FIGN: variants seen among roughly 807,000 people sequenced by gnomAD.
The protein encoded by FIGN is fidgetin.
A neutral mutation model predicts 51.3 loss-of-function variants in FIGN; 11 were observed. That is an observed-to-expected ratio of 0.21 (90% CI 0.13 to 0.35). The LOEUF (loss-of-function observed/expected upper bound fraction) is 0.35, where lower values mean the gene tolerates loss of function less well. Ranked by LOEUF, FIGN falls within the 10% of genes least tolerant of loss-of-function variation. FIGN has a pLI of 1.00. For synonymous variants in FIGN, 407 were observed against 363.2 expected (o/e 1.12, Z -1.37); for missense variants, 857 against 943.6 (o/e 0.91, Z 1.20).
intron 2 of FIGN, among the ~76,000 whole-genome samples, chr2:163,653,675 AT>A (rs1007992627): frequency 1.3e-5 from 2 of 152,042 alleles, no homozygotes; most frequent in Non-Finnish European, 1.5e-5. Context: ...TAAGCATACA[AT>A]TTTAAAATAT....
At chr2:163,721,173 A>G (rs1684751367) in intron 2 of FIGN, among the ~76,000 whole-genome samples, 1 of 152,154 alleles carries the variant, frequency 6.6e-6, no homozygotes, top group Admixed American at 6.5e-5. Flanking sequence ...TGCATTTTAC[A>G]TGTAAATAAT....
intron 2 of FIGN, among the ~76,000 whole-genome samples, chr2:163,721,977 C>T (rs1208431247): frequency 6.6e-6 from 1 of 152,086 alleles, no homozygotes; most frequent in African/African-American, 2.4e-5. Flanking sequence ...TATAATTTAA[C>T]ATTTGATCAA....
intron 2 of FIGN, among the ~76,000 whole-genome samples, chr2:163,720,735 T>A (rs1294934744): frequency 6.6e-6 from 1 of 152,176 alleles, no homozygotes; most frequent in Non-Finnish European, 1.5e-5. Flanking sequence ...ATGAAAGAGC[T>A]TTCAACACTG....
At chr2:163,646,768 T>A (rs1457932934) in intron 2 of FIGN, among the ~76,000 whole-genome samples, 3 of 152,218 alleles carry the variant, frequency 2.0e-5, no homozygotes, top group East Asian at 3.8e-4. Flanking sequence ...CTCACATTAA[T>A]TTGATTGAAG....
intron 2 of FIGN, among the ~76,000 whole-genome samples, chr2:163,616,478 A>G (rs1248657931): frequency 6.6e-6 from 1 of 152,088 alleles, no homozygotes; most frequent in African/African-American, 2.4e-5. Flanking sequence ...CCCTTTTACA[A>G]TGTTCCCATA....
intron 2 of FIGN, among the ~76,000 whole-genome samples, chr2:163,731,209 G>A (rs1179283747): frequency 6.6e-6 from 1 of 152,108 alleles, no homozygotes; most frequent in Non-Finnish European, 1.5e-5. Flanking sequence ...TTGTGGATCT[G>A]TCCCTATGAA....
At chr2:163,702,192 C>T (rs1195663444) in intron 2 of FIGN, among the ~76,000 whole-genome samples, 1 of 152,098 alleles carries the variant, frequency 6.6e-6, no homozygotes, top group Non-Finnish European at 1.5e-5. Flanking sequence ...AATACTGGCC[C>T]CTTCCAATGC....
At chr2:163,612,584 T>G in intron 2 of FIGN, 2 of 979,474 alleles carry the variant, frequency 2.0e-6, no homozygotes, top group Non-Finnish European at 2.4e-6. Context: ...TTGTTGAGTC[T>G]CTGAAAAAAA....
chr2:163,643,958 A>AAAAAAAAAAAT (rs1270596923), intron 2 of FIGN, among the ~76,000 whole-genome samples: 1 of 146,856 alleles, frequency 6.8e-6, no homozygotes, highest in Non-Finnish European at 1.5e-5. Context: ...AAAAAAAAAA[A>AAAAAAAAAAAT]GTCAGAATGG....
Position 163,605,455 on chromosome 2 carries a change from A to C in FIGN, c.*4097T>G, listed in dbSNP as rs1691087970. ...CTGAAGGCTTTACGTTTCAAAAGAA[A>C]AAAAAACACATTAAAACACTTCAAA... is the stretch of plus-strand genomic sequence containing the variant. On this transcript the variant is annotated 3_prime_UTR_variant, in exon 3 of 3. Transcript: ENST00000333129. 1 of 152,104 alleles carries C rather than the reference A, an allele frequency of 6.6e-6. No individual in the cohort carries two copies. The highest frequency in any genetic ancestry group is 2.4e-5 in the African/African-American group (1 of 41,436). The allele number at this position is 152,104 out of a possible 1,614,324, so 9.4% of individuals were successfully genotyped here. A position where few individuals can be genotyped will look rare whatever the true frequency, so the allele number is the denominator to read the frequency against.
intron 2 of FIGN, among the ~76,000 whole-genome samples, chr2:163,705,638 GTCT>G (rs1573962568): frequency 6.7e-6 from 1 of 150,090 alleles, no homozygotes; most frequent in Non-Finnish European, 1.5e-5. Context: ...TTTATTTTTT[GTCT>G]TTTTTTTTTT....
chr2:163,703,748 G>A (rs1684446642), intron 2 of FIGN, among the ~76,000 whole-genome samples: 1 of 152,030 alleles, frequency 6.6e-6, no homozygotes, highest in Non-Finnish European at 1.5e-5. Context: ...ACTGTGTTAT[G>A]GGAAAGCCAT....
At chr2:163,726,760 A>G (rs933912532) in intron 2 of FIGN, among the ~76,000 whole-genome samples, 2 of 152,134 alleles carry the variant, frequency 1.3e-5, no homozygotes, top group Non-Finnish European at 2.9e-5. Flanking sequence ...CCTTAGATCC[A>G]TGTAATTCCT....
chr2:163,718,923 T>G (rs1040773353), intron 2 of FIGN, among the ~76,000 whole-genome samples: 14 of 152,080 alleles, frequency 9.2e-5, no homozygotes, highest in African/African-American at 3.4e-4. Flanking sequence ...TTTGAATAAA[T>G]TCTTTGTAAC....
chr2:163,660,235 T>C (rs1683629219), intron 2 of FIGN, among the ~76,000 whole-genome samples: 1 of 152,208 alleles, frequency 6.6e-6, no homozygotes, highest in Non-Finnish European at 1.5e-5. Context: ...ATAGCCTAAA[T>C]ATTTCTGTAG....
intron 2 of FIGN, among the ~76,000 whole-genome samples, chr2:163,676,826 C>T (rs1683978688): frequency 6.6e-6 from 1 of 151,946 alleles, no homozygotes; most frequent in Non-Finnish European, 1.5e-5. Context: ...AAGATATGTA[C>T]CTCATCACAA....
At chr2:163,720,180 CT>C (rs138552729) in intron 2 of FIGN, among the ~76,000 whole-genome samples, 1 of 152,284 alleles carries the variant, frequency 6.6e-6, no homozygotes, top group African/African-American at 2.4e-5. Context: ...TGATTTATAC[CT>C]TACTGTTTCT....
rs575565716 is a variant in FIGN, at chr2:163,605,140, T to G, written c.*4412A>C. ...GACAGGGAGGTGAAATTTTCCTGCT[T>G]CCAGTCTAATTGTCTTTGACAATTG... On this transcript the variant is annotated 3_prime_UTR_variant, in exon 3 of 3. Transcript: ENST00000333129. 45 of 152,002 alleles carry G rather than the reference T, an allele frequency of 3.0e-4. No homozygotes were observed. Among genetic ancestry groups the G allele is most frequent in the African/African-American group, 9.4e-4 (39 of 41,500 alleles). 9.4% of individuals were successfully genotyped at this position (152,002 alleles called of 1,614,324 possible). A position where few individuals can be genotyped will look rare whatever the true frequency, so the allele number is the denominator to read the frequency against.
intron 2 of FIGN, among the ~76,000 whole-genome samples, chr2:163,655,731 A>G (rs16848750): frequency 0.021 from 3,128 of 152,070 alleles, 107 homozygotes; most frequent in African/African-American, 0.071. Flanking sequence ...TGATGATTAT[A>G]AAGTCTAATA....
Sources: allele counts gnomAD v4.1 joint callset (sites outside exome capture counted in the v4.1 genomes callset), GRCh38; gene constraint gnomAD v4.1.1; transcripts MANE v1.5; gene names NCBI Gene and HGNC (gene_info 2026-07-23, HGNC 2026-07-21).